LRMDA: variants seen among roughly 807,000 people sequenced by gnomAD.
LRMDA encodes leucine rich melanocyte differentiation associated.
A neutral mutation model predicts 29.8 loss-of-function variants in LRMDA; 18 were observed. That is an observed-to-expected ratio of 0.60 (90% confidence interval 0.42 to 0.90). The LOEUF is 0.90. Ranked by LOEUF, LRMDA falls within the 40% of genes least tolerant of loss-of-function variation. LRMDA has a pLI of 0.00. For missense variants in LRMDA, 273 were observed against 273.9 expected (o/e 1.00, Z 0.02); for synonymous variants, 125 against 109.4 (o/e 1.14, Z -0.89).
intron 2 of LRMDA, among the ~76,000 whole-genome samples, chr10:75,519,125 C>T (rs1845327559): frequency 6.6e-6 from 1 of 151,998 alleles, no homozygotes; most frequent in South Asian, 2.1e-4. Flanking sequence ...ACTTCTAATT[C>T]TGTGGTCAGT....
Position 76,497,857 on chromosome 10 carries a change from A to C in LRMDA, c.602-59352A>C, listed in dbSNP as rs78232086. Among the ~76,000 whole-genome samples the C allele has an allele frequency of 3.1e-4, 23 of 75,376 alleles. 7 individuals carry two copies. Among genetic ancestry groups the C allele is most frequent in the African/African-American group, 7.4e-4 (23 of 31,056 alleles). The allele number at this position is 75,376 out of a possible 152,430, so 49.4% of individuals were successfully genotyped here. A position where few individuals can be genotyped will look rare whatever the true frequency, so the allele number is the denominator to read the frequency against. Reference sequence around the variant, plus strand: ...TGGTTTTTGGCATCCTTCCTGTCTAAATTTTTATCAGATGAGCACTTTTCC... The same window carrying C: ...TGGTTTTTGGCATCCTTCCTGTCTACATTTTTATCAGATGAGCACTTTTCC... On this transcript the variant is annotated intron_variant, in intron 6 of 6. Transcript: ENST00000611255.
intron 5 of LRMDA, among the ~76,000 whole-genome samples, chr10:76,289,087 G>C (rs2132344707): frequency 6.6e-6 from 1 of 152,316 alleles, no homozygotes; most frequent in Admixed American, 6.5e-5. Flanking sequence ...TATTACAGTG[G>C]AAGGTGGAGG....
chr10:76,167,213 C>T (rs745368377), intron 5 of LRMDA, among the ~76,000 whole-genome samples: 4 of 152,032 alleles, frequency 2.6e-5, no homozygotes, highest in Non-Finnish European at 4.4e-5. Context: ...ATTAGACCTT[C>T]GTCAGATGCA....
At chr10:75,763,549 A>G (rs1031677332) in intron 2 of LRMDA, among the ~76,000 whole-genome samples, 1 of 152,244 alleles carries the variant, frequency 6.6e-6, no homozygotes, top group Non-Finnish European at 1.5e-5. Context: ...CTTGAAAAGA[A>G]TAACGGCTTT....
chr10:76,197,785 T>C lies in LRMDA; in HGVS notation c.517-126616T>C, dbSNP rs548540197. 3.9e-3 allele frequency among the ~76,000 whole-genome samples: 587 copies of C among 152,226 alleles called. 3 individuals are homozygous for C. Among genetic ancestry groups the C allele is most frequent in the Non-Finnish European group, 6.6e-3 (448 of 68,000 alleles). On this transcript the variant is annotated intron_variant, in intron 5 of 6. Transcript: ENST00000611255. ...AAATACAAAAATTAGCCGGGCATGA[T>C]GACATGCACCTGTAATCCCAGCTAC...
intron 5 of LRMDA, among the ~76,000 whole-genome samples, chr10:76,103,958 G>T (rs1195484440): frequency 6.6e-6 from 1 of 151,744 alleles, no homozygotes; most frequent in East Asian, 2.0e-4. Flanking sequence ...CTGAGGCAGA[G>T]AATTGCTTGA....
intron 2 of LRMDA, among the ~76,000 whole-genome samples, chr10:75,846,921 G>T (rs1192863356): frequency 6.6e-6 from 1 of 152,128 alleles, no homozygotes; most frequent in East Asian, 1.9e-4. Context: ...CTGTTAAAAT[G>T]TCAATACTAC....
At chr10:76,163,954 T>C (rs1850691076) in intron 5 of LRMDA, among the ~76,000 whole-genome samples, 1 of 152,204 alleles carries the variant, frequency 6.6e-6, no homozygotes, top group African/African-American at 2.4e-5. Flanking sequence ...TTTGCTTTTC[T>C]GGAAACCTTT....
intron 5 of LRMDA, among the ~76,000 whole-genome samples, chr10:76,142,799 T>C (rs1850229636): frequency 6.6e-6 from 1 of 151,478 alleles, no homozygotes; most frequent in Non-Finnish European, 1.5e-5. Flanking sequence ...CATTAACTCG[T>C]CATTTAGCAT....
chr10:75,971,450 C>T (rs149343060), intron 2 of LRMDA, among the ~76,000 whole-genome samples: 148 of 152,252 alleles, frequency 9.7e-4, no homozygotes, highest in African/African-American at 3.4e-3. Flanking sequence ...AAAGTGGAAG[C>T]CTTGAGTGAA....
intron 6 of LRMDA, 134 bp from the exon 7 acceptor site, chr10:76,557,074 TC>T: frequency 1.5e-6 from 1 of 688,406 alleles, no homozygotes; most frequent in Non-Finnish European, 2.6e-6. Context: ...GGAGAGTTCT[TC>T]CCTTCTGGAG....
chr10:76,063,353 A>G (rs984413709), intron 5 of LRMDA, among the ~76,000 whole-genome samples: 7 of 152,134 alleles, frequency 4.6e-5, no homozygotes, highest in African/African-American at 1.7e-4. Flanking sequence ...GCAGGTGTGT[A>G]TACCAGCTTC....
chr10:76,030,050 C>T (rs1848123644), intron 2 of LRMDA, among the ~76,000 whole-genome samples: 1 of 152,172 alleles, frequency 6.6e-6, no homozygotes. Context: ...CTCACACCAT[C>T]ATGCCAGGCT....
intron 5 of LRMDA, among the ~76,000 whole-genome samples, chr10:76,305,415 C>G (rs1482174271): frequency 6.6e-6 from 1 of 152,032 alleles, no homozygotes; most frequent in African/African-American, 2.4e-5. Context: ...TTTCTCCCTC[C>G]CTTCCTCTTT....
At chr10:76,533,732 T>C (rs911874492) in intron 6 of LRMDA, among the ~76,000 whole-genome samples, 1 of 152,230 alleles carries the variant, frequency 6.6e-6, no homozygotes, top group Non-Finnish European at 1.5e-5. Context: ...TTCCTGAGTA[T>C]TTAGGTAAAG....
chr10:76,324,496 A>T lies in LRMDA; in HGVS notation c.601+11A>T, dbSNP rs1840810540. The T allele has an allele frequency of 6.2e-7, 1 of 1,611,692 alleles. No individual in the cohort carries two copies. Among genetic ancestry groups the T allele is most frequent in the Non-Finnish European group, 8.5e-7 (1 of 1,178,016 alleles). On this transcript the variant is annotated intron_variant, in intron 6 of 6. Transcript: ENST00000611255. ...TCACCAGTCACCAAGGTTGGAACTC[A>T]GCTTTTTATTGCTCTCAGTGGGTGC...
At chr10:76,475,050 T>C (rs1842653122) in intron 6 of LRMDA, among the ~76,000 whole-genome samples, 1 of 151,766 alleles carries the variant, frequency 6.6e-6, no homozygotes, top group South Asian at 2.1e-4. Flanking sequence ...AGTACTGATA[T>C]ATGCTACAAT....
chr10:75,948,247 C>A (rs943248610), intron 2 of LRMDA, among the ~76,000 whole-genome samples: 2 of 152,126 alleles, frequency 1.3e-5, no homozygotes, highest in Non-Finnish European at 2.9e-5. Context: ...AATTCTCCTT[C>A]CACCCATAGA....
chr10:75,996,993 A>G (rs1847479301), intron 2 of LRMDA, among the ~76,000 whole-genome samples: 1 of 152,060 alleles, frequency 6.6e-6, no homozygotes, highest in African/African-American at 2.4e-5. Flanking sequence ...CGCCCTCCCA[A>G]AGTGCTGGGA....
Sources: allele counts gnomAD v4.1 joint callset (sites outside exome capture counted in the v4.1 genomes callset), GRCh38; gene constraint gnomAD v4.1.1; transcripts MANE v1.5; gene names NCBI Gene and HGNC (gene_info 2026-07-23, HGNC 2026-07-21).